MCF2L: variants seen among roughly 807,000 people sequenced by gnomAD.
The protein encoded by MCF2L is MCF.2 cell line derived transforming sequence like.
In MCF2L, 97 loss-of-function variants were observed where a neutral mutation model predicts 153.4. That is an observed-to-expected ratio of 0.63 (90% CI 0.54 to 0.75). The LOEUF (loss-of-function observed/expected upper bound fraction) is 0.75, where lower values mean the gene tolerates loss of function less well. Among genes scored for constraint, MCF2L ranks in the 30% least tolerant of loss-of-function variants. The pLI is 0.00. For missense variants in MCF2L, 1,347 were observed against 1,495.2 expected (o/e 0.90, Z 1.64); for synonymous variants, 659 against 632.2 (o/e 1.04, Z -0.64).
intron 1 of MCF2L, among the ~76,000 whole-genome samples, chr13:112,988,242 T>G (rs1356526813): frequency 2.0e-5 from 3 of 152,012 alleles, no homozygotes; most frequent in Non-Finnish European, 4.4e-5. Flanking sequence ...CTACTGTGTT[T>G]TTTTTTTTTA....
At chr13:112,985,605 G>T in intron 1 of MCF2L, 1 of 359,238 alleles carries the variant, frequency 2.8e-6, no homozygotes, top group Non-Finnish European at 5.7e-6. Flanking sequence ...GGCAGTCTGT[G>T]TCCCCTGTGG....
intron 1 of MCF2L, chr13:113,010,162 C>G (rs1421147420): frequency 1.3e-5 from 2 of 151,116 alleles, no homozygotes; most frequent in African/African-American, 2.4e-5. Flanking sequence ...CCACCCGCCT[C>G]CAGTCCCCGT....
Position 113,045,594 on chromosome 13 carries a change from T to A in MCF2L, c.369+233T>A. 1 of 575,630 alleles carries A rather than the reference T, an allele frequency of 1.7e-6. No individual in the cohort carries two copies. Among genetic ancestry groups the A allele is most frequent in the African/African-American group, 1.9e-5 (1 of 53,598 alleles). The allele number at this position is 575,630 out of a possible 1,614,324, so 35.7% of individuals were successfully genotyped here. A position where few individuals can be genotyped will look rare whatever the true frequency, so the allele number is the denominator to read the frequency against. On this transcript the variant is annotated intron_variant, in intron 4 of 29. Coordinates refer to ENST00000535094, the MANE Select transcript of MCF2L (RefSeq NM_001112732.3). This position sits in a 1 kb window ranked among gnomAD's most constrained non-coding sequence, Gnocchi z 4.2. ...GAACTCTTAGGGAGCCCAATGTGAC[T>A]TGCAAACAATTTCCCCAGGCAGAGC...
intron 2 of MCF2L, among the ~76,000 whole-genome samples, chr13:112,911,281 G>A (rs765503749): frequency 1.1e-4 from 17 of 152,214 alleles, no homozygotes; most frequent in Non-Finnish European, 1.2e-4. Context: ...AATGTCCCAC[G>A]GCCAGGATGG....
intron 2 of MCF2L, among the ~76,000 whole-genome samples, chr13:112,952,044 C>T (rs1190077721): frequency 1.3e-5 from 2 of 152,208 alleles, no homozygotes; most frequent in African/African-American, 4.8e-5. Context: ...ATATTTGCTT[C>T]AGATTTGCAG....
chr13:112,961,961 G>A (rs991500389), intron 2 of MCF2L, among the ~76,000 whole-genome samples: 5 of 152,098 alleles, frequency 3.3e-5, no homozygotes, highest in Non-Finnish European at 2.9e-5. Flanking sequence ...CAGCTTCTCC[G>A]TTGCACAGCG....
At chr13:112,986,419 G>A (rs887920460) in intron 1 of MCF2L, among the ~76,000 whole-genome samples, 1 of 152,240 alleles carries the variant, frequency 6.6e-6, no homozygotes, top group Non-Finnish European at 1.5e-5. Flanking sequence ...AACGGTGTGG[G>A]AGGACACAGC....
intron 4 of MCF2L, among the ~76,000 whole-genome samples, chr13:113,049,954 G>A (rs1053780519): frequency 1.3e-5 from 2 of 152,114 alleles, no homozygotes; most frequent in African/African-American, 4.8e-5. Context: ...GCTCCCAATC[G>A]AGAGCAAGAC....
chr13:112,914,409 T>C (rs935518939), intron 2 of MCF2L, among the ~76,000 whole-genome samples: 2 of 152,188 alleles, frequency 1.3e-5, no homozygotes, highest in African/African-American at 4.8e-5. Context: ...TATTCACTCG[T>C]CTCTGCTGAT....
chr13:112,945,175 G>A (rs567191129), intron 2 of MCF2L, among the ~76,000 whole-genome samples: 1 of 152,110 alleles, frequency 6.6e-6, no homozygotes, highest in African/African-American at 2.4e-5. Flanking sequence ...TTTAAAAAGT[G>A]TTTATCACAC....
intron 7 of MCF2L, chr13:113,065,429 G>A (rs2032215673): frequency 6.2e-6 from 2 of 322,932 alleles, no homozygotes; most frequent in Non-Finnish European, 1.2e-5. Context: ...TGTCTGTGCG[G>A]GGAGCTCCCG....
In MCF2L at chr13:112,944,060, T is replaced by TC. The variant is rs1163672710; in HGVS notation, c.169+41689_169+41690insC. 3.4e-5 allele frequency among the ~76,000 whole-genome samples: 4 copies of TC among 118,002 alleles called. No individual in the cohort carries two copies. The East Asian group carries it at 6.9e-4, about 20-fold the overall frequency. The allele number at this position is 118,002 out of a possible 152,430, so 77.4% of individuals were successfully genotyped here. ...GCCGTGAGGGGAGGGTCCCTGGCTG[T>TC]GGGGGGAGCGTCTTGGCTGAGGGAA... is the stretch of plus-strand genomic sequence containing the variant. On this transcript the variant is annotated intron_variant, in intron 2 of 29. Coordinates refer to the MCF2L transcript ENST00000375608.
Position 113,090,861 on chromosome 13 carries a change from A to C in MCF2L, c.2953+1133A>C, listed in dbSNP as rs1566882726. 5 of 1,151,826 alleles carry C rather than the reference A, an allele frequency of 4.3e-6. No homozygotes were observed. The East Asian group carries it at 2.6e-4, about 61-fold the overall frequency. The allele number at this position is 1,151,826 out of a possible 1,614,324, so 71.4% of individuals were successfully genotyped here. A position where few individuals can be genotyped will look rare whatever the true frequency, so the allele number is the denominator to read the frequency against. ...AAACTCTGCTAGCGCAGAACTAAGA[A>C]AACGTCCCTAGAGACGGGCCCCGAA... On this transcript the variant is annotated intron_variant, in intron 26 of 29. Coordinates refer to ENST00000535094, the MANE Select transcript of MCF2L (RefSeq NM_001112732.3).
chr13:113,086,270 G>A (rs2034627523), intron 21 of MCF2L, 21 bp downstream of exon 21: 4 of 1,606,450 alleles, frequency 2.5e-6, no homozygotes, highest in Non-Finnish European at 2.5e-6. Flanking sequence ...CAGATGCCCG[G>A]TCTTCCCCGC....
chr13:113,008,918 G>C (rs905147674), intron 1 of MCF2L: 3 of 152,054 alleles, frequency 2.0e-5, no homozygotes, highest in African/African-American at 4.8e-5. Context: ...CCCAGGTCTT[G>C]TGGGCGAGGC....
intron 1 of MCF2L, among the ~76,000 whole-genome samples, chr13:112,984,818 C>A (rs1264712298): frequency 2.0e-5 from 3 of 152,126 alleles, no homozygotes; most frequent in Admixed American, 6.5e-5. Flanking sequence ...CGTCAGGATG[C>A]AGGTCCCGGT....
At position 113,074,824 on chromosome 13, in the gene MCF2L, G is replaced by A. The variant is rs895993607; in HGVS notation, c.1117-174G>A. 2.6e-5 allele frequency among the ~76,000 whole-genome samples: 4 copies of A among 152,040 alleles called. No homozygotes were observed. Among genetic ancestry groups the A allele is most frequent in the Non-Finnish European group, 4.4e-5 (3 of 68,012 alleles). ...TTTGCTGGGACCACCACAGCCCCCA[G>A]AAGCACTTGCCACAGAACAGCTTCG... On this transcript the variant is annotated intron_variant, in intron 10 of 29. Coordinates refer to ENST00000535094, the MANE Select transcript of MCF2L (RefSeq NM_001112732.3). The surrounding 1 kb of genome is among the most constrained non-coding windows in gnomAD (Gnocchi z 4.2).
In MCF2L at chr13:113,062,472, C is replaced by G. The variant is rs200218794; in HGVS notation, c.489+1760C>G. On this transcript the variant is annotated intron_variant, in intron 5 of 29. Transcript: ENST00000535094. ...TATTTGGCAGGCACTGCACACTAGC[C>G]ATAGGCTTTGTGACCACAGACGTGT... is the stretch of plus-strand genomic sequence containing the variant. Among the ~76,000 whole-genome samples, 10 of 152,206 alleles carry G rather than the reference C, an allele frequency of 6.6e-5. No individual in the cohort carries two copies. In the East Asian group the frequency reaches 1.9e-3, roughly 29 times the overall value.
chr13:113,094,420 A>AG, intron 26 of MCF2L, 94 bp from the exon 27 acceptor site: 2 of 1,356,680 alleles, frequency 1.5e-6, no homozygotes, highest in East Asian at 5.0e-5. Flanking sequence ...CACACATTTC[A>AG]GGGGGTCTGT....
Sources: gnomAD v4.1 joint callset for allele counts (sites outside exome capture counted in the v4.1 genomes callset) on GRCh38, gnomAD v4.1.1 for gene constraint, Gnocchi (gnomAD v3.1) non-coding constraint, MANE v1.5 for transcripts, NCBI Gene and HGNC (gene_info 2026-07-23, HGNC 2026-07-21) for gene names.